ADD3: variants seen among roughly 807,000 people sequenced by gnomAD.
ADD3 encodes gamma-adducin.
In ADD3, 25 loss-of-function variants were observed where a neutral mutation model predicts 80.2. The ratio of observed to expected loss-of-function variants is 0.31; its 90% confidence interval spans 0.23 to 0.44. ADD3 has a LOEUF of 0.44. ADD3 is among the 20% of genes least tolerant of loss of function. The probability of loss-of-function intolerance (pLI) is 1.00; values close to 1 mark genes in which losing one functional copy is unlikely to be tolerated. For synonymous variants in ADD3, 284 were observed against 289.6 expected, an observed-to-expected ratio of 0.98 and a Z score of 0.20; for missense variants, 829 against 847.5, an observed-to-expected ratio of 0.98 and a Z score of 0.27.
chr10:110,005,264 C>T (rs1022277369), upstream of ADD3, among the ~76,000 whole-genome samples: 4 of 150,566 alleles, frequency 2.7e-5, no homozygotes, highest in African/African-American at 9.8e-5. Context: ...ATTTCACCAT[C>T]TTGGCCAGGC....
intron 1 of ADD3, among the ~76,000 whole-genome samples, chr10:110,059,786 A>G (rs35333119): frequency 5.7e-4 from 87 of 152,328 alleles, no homozygotes; most frequent in Non-Finnish European, 1.0e-3. Context: ...ATAAAAAATA[A>G]ATAAAGATCA....
intron 1 of ADD3, among the ~76,000 whole-genome samples, chr10:109,998,501 T>C (rs746707366): frequency 6.6e-6 from 1 of 152,216 alleles, no homozygotes; most frequent in African/African-American, 2.4e-5. Flanking sequence ...CTAGTGTTCA[T>C]TCTGCACATA....
At chr10:110,007,287 C>T (rs1055082007), upstream of ADD3, among the ~76,000 whole-genome samples, 1 of 152,130 alleles carries the variant, frequency 6.6e-6, no homozygotes, top group African/African-American at 2.4e-5. Context: ...GAGCCCCTGT[C>T]CTCCCCCTAT....
intron 1 of ADD3, among the ~76,000 whole-genome samples, chr10:110,099,214 C>T (rs900808623): frequency 1.7e-4 from 26 of 151,254 alleles, no homozygotes; most frequent in Non-Finnish European, 2.9e-5. Flanking sequence ...TAAGCATGAG[C>T]CACCACGCCC....
chr10:110,022,107 G>C (rs1853745403), intron 1 of ADD3, among the ~76,000 whole-genome samples: 1 of 152,114 alleles, frequency 6.6e-6, no homozygotes, highest in Non-Finnish European at 1.5e-5. Context: ...GAGGTGGTTT[G>C]TGATACTTGA....
chr10:110,024,684 C>G (rs1255074086), intron 1 of ADD3, among the ~76,000 whole-genome samples: 1 of 152,064 alleles, frequency 6.6e-6, no homozygotes, highest in African/African-American at 2.4e-5. Context: ...ATAACTTACT[C>G]AAAAGTAATT....
intron 1 of ADD3, among the ~76,000 whole-genome samples, chr10:110,018,876 T>C (rs1201898249): frequency 6.6e-6 from 1 of 152,184 alleles, no homozygotes; most frequent in Non-Finnish European, 1.5e-5. Flanking sequence ...ATGTAGACTT[T>C]TAACAGTGCT....
chr10:110,025,440 C>G (rs1214006416), intron 1 of ADD3, among the ~76,000 whole-genome samples: 1 of 151,950 alleles, frequency 6.6e-6, no homozygotes, highest in African/African-American at 2.4e-5. Flanking sequence ...AAAAGCAAGT[C>G]CCCTAGTTAA....
At chr10:110,048,393 T>C (rs1857135496) in intron 1 of ADD3, among the ~76,000 whole-genome samples, 1 of 152,196 alleles carries the variant, frequency 6.6e-6, no homozygotes, top group South Asian at 2.1e-4. Context: ...GAAGCTCCTT[T>C]GGAACTGGGT....
intron 11 of ADD3, 144 bp downstream of exon 11, chr10:110,126,089 A>G: frequency 1.2e-6 from 1 of 820,726 alleles, no homozygotes; most frequent in Middle Eastern, 3.3e-4. Flanking sequence ...TTTAGCTTAT[A>G]TTGAATGCCT....
intron 1 of ADD3, among the ~76,000 whole-genome samples, chr10:110,034,457 TTAA>T (rs1855414319): frequency 6.6e-6 from 1 of 151,514 alleles, no homozygotes; most frequent in African/African-American, 2.4e-5. Flanking sequence ...TATTTTTTCA[TTAA>T]TAAAATAAAA....
At chr10:110,070,408 T>TA (rs1432370523) in intron 1 of ADD3, among the ~76,000 whole-genome samples, 1 of 152,170 alleles carries the variant, frequency 6.6e-6, no homozygotes, top group East Asian at 1.9e-4. Context: ...AGAAAAGAAA[T>TA]ATATGGTGAA....
At chr10:110,048,737 C>T (rs551287691) in intron 1 of ADD3, among the ~76,000 whole-genome samples, 121 of 152,208 alleles carry the variant, frequency 7.9e-4, no homozygotes, top group Admixed American at 1.4e-3. Context: ...GACTTGGGTG[C>T]TGTTAAAAGC....
Position 110,061,023 on chromosome 10 carries a change from C to T in ADD3, c.-29-39602C>T, listed in dbSNP as rs373201692. ...AGATGACCTTTAAGGTCCTTTTGAC[C>T]GTATTTGACATTCACTGAGCCTGAG... On this transcript the variant is annotated intron_variant, in intron 1 of 14. Coordinates refer to ENST00000356080, the MANE Select transcript of ADD3 (RefSeq NM_016824.5). Among the ~76,000 whole-genome samples the T allele has an allele frequency of 1.1e-4, 17 of 152,248 alleles. No homozygotes were observed. The East Asian group carries it at 2.7e-3, about 24-fold the overall frequency.
rs184364270 is a variant in ADD3, at chr10:110,044,561, C to T, written c.-30+36262C>T. ...TTAGCTTCAAAATGTTAAAAATATTCATAGAACATCCACAGCTGATAAGTA... is the reference window on the plus strand; with the variant it reads ...TTAGCTTCAAAATGTTAAAAATATTTATAGAACATCCACAGCTGATAAGTA... On this transcript the variant is annotated intron_variant, in intron 1 of 14. Coordinates refer to ENST00000356080, the MANE Select transcript of ADD3 (RefSeq NM_016824.5). 1.9e-3 allele frequency among the ~76,000 whole-genome samples: 287 copies of T among 152,274 alleles called. 2 individuals carry two copies. Among genetic ancestry groups the T allele is most frequent in the Admixed American group, 4.3e-3 (66 of 15,296 alleles).
At chr10:110,023,712 T>G (rs1313749829) in intron 1 of ADD3, among the ~76,000 whole-genome samples, 2 of 152,242 alleles carry the variant, frequency 1.3e-5, no homozygotes, top group African/African-American at 4.8e-5. Context: ...TAGTTCTTAA[T>G]CTGCTTTACT....
intron 1 of ADD3, among the ~76,000 whole-genome samples, chr10:109,998,983 T>C (rs554186960): frequency 6.6e-6 from 1 of 152,188 alleles, no homozygotes; most frequent in Non-Finnish European, 1.5e-5. Context: ...GTACAGGGAT[T>C]TTTGTTCATT....
chr10:110,124,513 CAAG>C (rs1406814516), intron 10 of ADD3, among the ~76,000 whole-genome samples: 1 of 152,064 alleles, frequency 6.6e-6, no homozygotes, highest in Non-Finnish European at 1.5e-5. Context: ...AAAACCAAGG[CAAG>C]AAGGGTTAAT....
intron 10 of ADD3, among the ~76,000 whole-genome samples, 200 bp downstream of exon 10, chr10:110,124,474 T>A (rs1851892504): frequency 6.6e-6 from 1 of 152,230 alleles, no homozygotes; most frequent in Non-Finnish European, 1.5e-5. Context: ...CTAATATGAA[T>A]GATGCTGTTT....
Sources: gnomAD v4.1 joint callset for allele counts (sites outside exome capture counted in the v4.1 genomes callset) on GRCh38, gnomAD v4.1.1 for gene constraint, MANE v1.5 for transcripts, NCBI Gene and HGNC (gene_info 2026-07-23, HGNC 2026-07-21) for gene names.